LARS2: variants seen among roughly 807,000 people sequenced by gnomAD.
LARS2 encodes the protein leucine--tRNA ligase, mitochondrial.
LARS2 carries 81 observed loss-of-function variants against 116.6 expected under a neutral mutation model. That is an observed-to-expected ratio of 0.69 (90% CI 0.58 to 0.84). The LOEUF (loss-of-function observed/expected upper bound fraction) is 0.84. Among genes scored for constraint, LARS2 ranks in the 40% least tolerant of loss-of-function variants. LARS2 has a pLI of 0.00. For synonymous variants in LARS2, 396 were observed against 407.2 expected (o/e 0.97, Z 0.33); for missense variants, 968 against 1,114.5 (o/e 0.87, Z 1.87).
At chr3:45,414,333 C>G (rs1232338786) in intron 4 of LARS2, among the ~76,000 whole-genome samples, 2 of 152,138 alleles carry the variant, frequency 1.3e-5, no homozygotes, top group African/African-American at 4.8e-5. Context: ...CCACATGTAA[C>G]TGGTACGTAT....
intron 13 of LARS2, among the ~76,000 whole-genome samples, 188 bp from the exon 14 acceptor site, chr3:45,496,087 T>C (rs949689485): frequency 4.6e-5 from 7 of 152,144 alleles, no homozygotes; most frequent in African/African-American, 1.7e-4. Context: ...TCTCGATCTT[T>C]TGACCTCGTG....
intron 15 of LARS2, among the ~76,000 whole-genome samples, chr3:45,510,974 A>G (rs1184591989): frequency 3.3e-5 from 5 of 152,256 alleles, no homozygotes; most frequent in African/African-American, 1.2e-4. Flanking sequence ...TACATTTCAC[A>G]TAATAACTCT....
intron 4 of LARS2, among the ~76,000 whole-genome samples, chr3:45,408,708 TG>T (rs1207379659): frequency 6.6e-6 from 1 of 152,242 alleles, no homozygotes; most frequent in Non-Finnish European, 1.5e-5. Context: ...CTTTGGGCTT[TG>T]TTAACTCTGC....
At chr3:45,521,386 G>A (rs1383331949) in intron 19 of LARS2, among the ~76,000 whole-genome samples, 1 of 152,170 alleles carries the variant, frequency 6.6e-6, no homozygotes, top group Non-Finnish European at 1.5e-5. Flanking sequence ...AAGCTGAGGC[G>A]AGAGGATCGC....
chr3:45,549,130 C>T lies in LARS2; in HGVS notation c.*1600C>T, dbSNP rs1439031089. On this transcript the variant is annotated 3_prime_UTR_variant, in exon 22 of 22. Transcript: ENST00000645846. ...CCAATTTAATTGGTCCATGGTGTGG[C>T]TTGAACACCAGGAATCTTTAAAACT... 6.6e-6 allele frequency: 1 copy of T among 152,212 alleles called. No individual in the cohort carries two copies. Among genetic ancestry groups the T allele is most frequent in the Non-Finnish European group, 1.5e-5 (1 of 68,042 alleles). The allele number at this position is 152,212 out of a possible 1,614,324, so 9.4% of individuals were successfully genotyped here. A position where few individuals can be genotyped will look rare whatever the true frequency, so the allele number is the denominator to read the frequency against.
chr3:45,467,127 C>A (rs115135274), intron 8 of LARS2, among the ~76,000 whole-genome samples: 83 of 152,214 alleles, frequency 5.5e-4, no homozygotes, highest in African/African-American at 1.9e-3. Context: ...GGAATTGACT[C>A]ATTGTCCTCT....
intron 8 of LARS2, among the ~76,000 whole-genome samples, chr3:45,467,466 G>GT (rs1230787397): frequency 2.0e-5 from 3 of 152,108 alleles, no homozygotes; most frequent in Non-Finnish European, 4.4e-5. Context: ...ACATTCTGTA[G>GT]TTTTAAAAGA....
At chr3:45,467,689 A>G (rs1699448853) in intron 8 of LARS2, among the ~76,000 whole-genome samples, 1 of 152,200 alleles carries the variant, frequency 6.6e-6, no homozygotes, top group African/African-American at 2.4e-5. Flanking sequence ...TAGAAGATGC[A>G]ATATAAGTAG....
chr3:45,507,549 A>G (rs559280299), intron 15 of LARS2, among the ~76,000 whole-genome samples: 1 of 152,106 alleles, frequency 6.6e-6, no homozygotes, highest in Non-Finnish European at 1.5e-5. Flanking sequence ...AAATGCCCCA[A>G]AATGCTGAGA....
At chr3:45,489,485 CCA>C (rs1282392654) in intron 12 of LARS2, among the ~76,000 whole-genome samples, 4 of 150,990 alleles carry the variant, frequency 2.6e-5, no homozygotes, top group Admixed American at 6.6e-5. Flanking sequence ...AGGTGAGACC[CCA>C]AAATTTACAC....
At chr3:45,417,685 A>G in intron 5 of LARS2, 112 bp downstream of exon 5, 1 of 664,046 alleles carries the variant, frequency 1.5e-6, no homozygotes, top group Non-Finnish European at 2.7e-6. Flanking sequence ...GCAGCGTACC[A>G]AGAGATAAAT....
At chr3:45,459,431 G>A (rs1449177427) in intron 8 of LARS2, among the ~76,000 whole-genome samples, 2 of 152,178 alleles carry the variant, frequency 1.3e-5, no homozygotes, top group Non-Finnish European at 2.9e-5. Flanking sequence ...ATGAGAGAAG[G>A]CCAAGTGAAA....
At chr3:45,432,360 A>G (rs956098371) in intron 6 of LARS2, among the ~76,000 whole-genome samples, 1 of 152,050 alleles carries the variant, frequency 6.6e-6, no homozygotes, top group Admixed American at 6.5e-5. Context: ...ATTTTTGGCA[A>G]GTGCACATGG....
intron 13 of LARS2, 58 bp downstream of exon 13, chr3:45,491,858 C>G (rs1486028455): frequency 1.3e-6 from 2 of 1,500,652 alleles, no homozygotes; most frequent in Admixed American, 3.5e-5. Context: ...CCTGCTAGGG[C>G]TTCAGACAGC....
At chr3:45,493,938 G>A (rs1331467150) in intron 13 of LARS2, among the ~76,000 whole-genome samples, 4 of 152,158 alleles carry the variant, frequency 2.6e-5, no homozygotes, top group Non-Finnish European at 5.9e-5. Context: ...CACAAGGTAA[G>A]TGAGGAAGAT....
intron 1 of LARS2, among the ~76,000 whole-genome samples, chr3:45,390,182 T>G (rs62244085): frequency 0.078 from 11,876 of 152,308 alleles, 747 homozygotes; most frequent in East Asian, 0.25. Context: ...AACTAAACTT[T>G]CATTGTTTTA....
chr3:45,506,909 T>C (rs770788611), intron 15 of LARS2: 7 of 152,102 alleles, frequency 4.6e-5, no homozygotes, highest in Non-Finnish European at 8.8e-5. Context: ...AAGGTCTCCT[T>C]ACCTTACGTA....
In LARS2 at chr3:45,496,145, C is replaced by G. The variant is rs1364879944; in HGVS notation, c.1524-130C>G. On this transcript the variant is annotated intron_variant, in intron 13 of 21. Transcript: ENST00000645846. ...AAGTGCTGGGATTACAAGCGTGAGC[C>G]ACCACACCCAGCCTGTGGCTTTATT... 2.4e-5 allele frequency: 17 copies of G among 701,854 alleles called. No homozygotes were observed. The East Asian group carries it at 4.8e-4, about 20-fold the overall frequency. The allele number at this position is 701,854 out of a possible 1,614,324, so 43.5% of individuals were successfully genotyped here. A position where few individuals can be genotyped will look rare whatever the true frequency, so the allele number is the denominator to read the frequency against.
At chr3:45,471,227 C>G (rs758460255) in intron 8 of LARS2, among the ~76,000 whole-genome samples, 2 of 152,164 alleles carry the variant, frequency 1.3e-5, no homozygotes, top group Non-Finnish European at 2.9e-5. Flanking sequence ...AAGGTACTTT[C>G]TGAAGCCCTG....
Sources: allele counts gnomAD v4.1 joint callset (sites outside exome capture counted in the v4.1 genomes callset), GRCh38; gene constraint gnomAD v4.1.1; transcripts MANE v1.5; gene names NCBI Gene and HGNC (gene_info 2026-07-23, HGNC 2026-07-21).